Variants in ADAMTS12 observed in about 807,000 individuals in gnomAD.
ADAMTS12 encodes ADAM metallopeptidase with thrombospondin type 1 motif 12.
ADAMTS12 carries 118 observed loss-of-function variants against 167.8 expected under a neutral mutation model. That is an observed-to-expected ratio of 0.70 (90% CI 0.61 to 0.82). The LOEUF (loss-of-function observed/expected upper bound fraction) is 0.82, where lower values mean the gene tolerates loss of function less well. Ranked by LOEUF, ADAMTS12 falls within the 40% of genes least tolerant of loss-of-function variation. ADAMTS12 has a pLI of 0.00. For missense variants in ADAMTS12, 1,916 were observed against 1,998.8 expected (o/e 0.96, Z 0.79); for synonymous variants, 704 against 716.9 (o/e 0.98, Z 0.29).
At chr5:33,776,561 C>G (rs185495578) in intron 2 of ADAMTS12, among the ~76,000 whole-genome samples, 1 of 151,998 alleles carries the variant, frequency 6.6e-6, no homozygotes, top group African/African-American at 2.4e-5. Context: ...ACTTATGGAA[C>G]GCAGCAAAAG....
intron 2 of ADAMTS12, among the ~76,000 whole-genome samples, chr5:33,866,212 C>G (rs1749814895): frequency 6.6e-6 from 1 of 151,986 alleles, no homozygotes; most frequent in Admixed American, 6.6e-5. Flanking sequence ...GCTATAGATA[C>G]AAAAAGAGCA....
At chr5:33,624,097 A>T in intron 14 of ADAMTS12, 134 bp downstream of exon 14, 1 of 1,355,820 alleles carries the variant, frequency 7.4e-7, no homozygotes, top group Non-Finnish European at 1.0e-6. Context: ...GGTAAAGGCT[A>T]TATTCCATTT....
chr5:33,597,341 A>T (rs1044089246), intron 16 of ADAMTS12, among the ~76,000 whole-genome samples: 1 of 152,238 alleles, frequency 6.6e-6, no homozygotes, highest in African/African-American at 2.4e-5. Flanking sequence ...GAACCCTGAA[A>T]GGCAGAACAG....
At chr5:33,614,474 T>G (rs375712591) in intron 15 of ADAMTS12, 98 bp from the exon 16 acceptor site, 17 of 1,431,646 alleles carry the variant, frequency 1.2e-5, no homozygotes, top group Middle Eastern at 3.6e-4. Flanking sequence ...CTAAAATTAG[T>G]AATGGGAGCA....
chr5:33,644,879 C>T (rs777243980), intron 9 of ADAMTS12, among the ~76,000 whole-genome samples: 5 of 152,146 alleles, frequency 3.3e-5, no homozygotes, highest in South Asian at 2.1e-4. Flanking sequence ...TGCAGACACC[C>T]GCCTCCACGC....
chr5:33,818,046 C>T (rs2548035), intron 2 of ADAMTS12, among the ~76,000 whole-genome samples: 74,724 of 151,842 alleles, frequency 0.49, 19,082 homozygotes, highest in Non-Finnish European at 0.54. Context: ...TATATGTAGA[C>T]AGCAAAATAA....
intron 2 of ADAMTS12, among the ~76,000 whole-genome samples, chr5:33,813,272 G>A (rs1473284718): frequency 1.3e-5 from 2 of 152,228 alleles, no homozygotes; most frequent in African/African-American, 2.4e-5. Flanking sequence ...CATCTGGATC[G>A]GTATGTAGTG....
chr5:33,529,263 C>G (rs1743978446), intron 23 of ADAMTS12, among the ~76,000 whole-genome samples: 1 of 152,170 alleles, frequency 6.6e-6, no homozygotes, highest in African/African-American at 2.4e-5. Context: ...ATTTTCTTGG[C>G]CTTGCTTTTC....
At chr5:33,534,712 C>A (rs1030991128) in intron 23 of ADAMTS12, 121 bp downstream of exon 23, 4 of 1,337,428 alleles carry the variant, frequency 3.0e-6, no homozygotes, top group African/African-American at 2.9e-5. Context: ...TACTGGTTGA[C>A]CTCTTTAACA....
At chr5:33,686,484 T>C (rs191260086) in intron 3 of ADAMTS12, among the ~76,000 whole-genome samples, 2 of 152,234 alleles carry the variant, frequency 1.3e-5, no homozygotes, top group Admixed American at 1.3e-4. Context: ...TACTCTCCCC[T>C]TTTTCTACCT....
chr5:33,605,635 T>C (rs4495187), intron 16 of ADAMTS12, among the ~76,000 whole-genome samples: 88,204 of 152,008 alleles, frequency 0.58, 25,876 homozygotes, highest in East Asian at 0.82. Context: ...TTGAAACATA[T>C]AAAAAGCATT....
At chr5:33,844,704 C>T (rs1748877009) in intron 2 of ADAMTS12, among the ~76,000 whole-genome samples, 1 of 152,138 alleles carries the variant, frequency 6.6e-6, no homozygotes, top group Non-Finnish European at 1.5e-5. Context: ...ATTCTATTAC[C>T]TTGTGAAGCA....
Position 33,661,342 on chromosome 5 carries a change from G to T in ADAMTS12, c.1040+574C>A, listed in dbSNP as rs532311940. Among the ~76,000 whole-genome samples the T allele has an allele frequency of 2.2e-3, 331 of 152,208 alleles. 2 individuals are homozygous for T. The highest frequency in any genetic ancestry group is 7.8e-3 in the African/African-American group (324 of 41,542). ...AGCTATGAGTCCTGGAAGGTTTGAT[G>T]GTTCTTATTAGCACTATAGGCTCTA... On this transcript the variant is annotated intron_variant, in intron 6 of 23. Transcript: ENST00000504830.
At chr5:33,886,746 T>C (rs929188392) in intron 1 of ADAMTS12, among the ~76,000 whole-genome samples, 3 of 152,040 alleles carry the variant, frequency 2.0e-5, no homozygotes, top group African/African-American at 7.2e-5. Flanking sequence ...AGCTAAGCCA[T>C]GGCAGCCCAT....
intron 2 of ADAMTS12, among the ~76,000 whole-genome samples, chr5:33,797,370 T>TA (rs1222119997): frequency 6.7e-6 from 1 of 149,250 alleles, no homozygotes; most frequent in Non-Finnish European, 1.5e-5. Flanking sequence ...GGGAAGTTAG[T>TA]AAACACTGGA....
Position 33,576,075 on chromosome 5 carries a change from C to CCAGT in ADAMTS12, c.3947_3950dup (p.Trp1317Ter), listed in dbSNP as rs1746692941. On this transcript the variant is annotated stop_gained and frameshift_variant, in exon 19 of 24. Coordinates refer to ENST00000504830, the MANE Select transcript of ADAMTS12 (RefSeq NM_030955.4). LOFTEE classifies it high-confidence loss of function. The stretch of plus-strand genomic sequence containing the variant: ...TTACCTCGCTCCAGTTTCCGACGAT[C>CCAGT]CAGTGTGCAGAGCCGTGGCCGTTTG... 1 of 1,613,520 alleles carries CCAGT rather than the reference C, an allele frequency of 6.2e-7. No homozygotes were observed.
At chr5:33,746,533 T>A (rs1049674517) in intron 3 of ADAMTS12, among the ~76,000 whole-genome samples, 1 of 152,092 alleles carries the variant, frequency 6.6e-6, no homozygotes, top group Non-Finnish European at 1.5e-5. Flanking sequence ...TTCTTAAACA[T>A]CCTCCAGTAT....
intron 2 of ADAMTS12, among the ~76,000 whole-genome samples, chr5:33,798,299 G>C (rs558101576): frequency 2.2e-4 from 34 of 151,938 alleles, no homozygotes; most frequent in Admixed American, 4.6e-4. Context: ...CACATTTCTA[G>C]ATGCTGGAAG....
intron 2 of ADAMTS12, among the ~76,000 whole-genome samples, chr5:33,777,530 C>T (rs773628281): frequency 1.3e-5 from 2 of 151,990 alleles, no homozygotes; most frequent in Non-Finnish European, 2.9e-5. Flanking sequence ...GAATGTATCT[C>T]AACATAATAA....
Sources: allele counts gnomAD v4.1 joint callset (sites outside exome capture counted in the v4.1 genomes callset), GRCh38; gene constraint gnomAD v4.1.1; transcripts MANE v1.5; gene names NCBI Gene and HGNC (gene_info 2026-07-23, HGNC 2026-07-21).